Variants in NRG1 observed in about 807,000 individuals in gnomAD.
The protein encoded by NRG1 is pro-neuregulin-1, membrane-bound isoform.
In NRG1, 18 loss-of-function variants were observed where a neutral mutation model predicts 63.8. That is an observed-to-expected ratio of 0.28 (90% CI 0.19 to 0.42). The LOEUF is 0.42. Ranked by LOEUF, NRG1 falls within the 10% of genes least tolerant of loss-of-function variation. The pLI is 1.00. For synonymous variants in NRG1, 302 were observed against 301.3 expected (o/e 1.00, Z -0.02); for missense variants, 762 against 814.7 (o/e 0.94, Z 0.79).
intron 1 of NRG1, among the ~76,000 whole-genome samples, chr8:32,065,860 T>G (rs1273520008): frequency 1.3e-5 from 2 of 152,232 alleles, no homozygotes; most frequent in African/African-American, 4.8e-5. Context: ...GTTTACTGAC[T>G]TTTTAATGAT....
intron 1 of NRG1, among the ~76,000 whole-genome samples, chr8:32,076,545 A>G (rs1826586031): frequency 6.6e-6 from 1 of 152,056 alleles, no homozygotes; most frequent in Non-Finnish European, 1.5e-5. Context: ...GGACTGTGGA[A>G]CAGCACACAC....
At chr8:31,857,633 C>A (rs1051314476) in intron 1 of NRG1, among the ~76,000 whole-genome samples, 4 of 152,196 alleles carry the variant, frequency 2.6e-5, no homozygotes, top group African/African-American at 9.6e-5. Context: ...ATCTTGGCTT[C>A]AAGAGCGGGA....
intron 1 of NRG1, among the ~76,000 whole-genome samples, chr8:31,789,515 A>T (rs1358309661): frequency 6.6e-6 from 1 of 152,098 alleles, no homozygotes; most frequent in Non-Finnish European, 1.5e-5. Flanking sequence ...CACGTGGAGG[A>T]TACTAGAGGC....
intron 1 of NRG1, among the ~76,000 whole-genome samples, chr8:32,236,788 C>T (rs1847607376): frequency 6.6e-6 from 1 of 152,142 alleles, no homozygotes; most frequent in Admixed American, 6.6e-5. Flanking sequence ...CACAGTTAAC[C>T]TGAAGGATTA....
chr8:32,425,535 C>T (rs1320056827), intron 1 of NRG1, among the ~76,000 whole-genome samples: 1 of 152,102 alleles, frequency 6.6e-6, no homozygotes, highest in East Asian at 1.9e-4. Flanking sequence ...TTTATTGGAA[C>T]ACACCCATCA....
chr8:31,957,190 G>GTTTT (rs5890609), intron 1 of NRG1, among the ~76,000 whole-genome samples: 214 of 147,976 alleles, frequency 1.4e-3, no homozygotes, highest in African/African-American at 5.0e-3. Context: ...AAATCAAAGA[G>GTTTT]TTTTTTTTTT....
At chr8:32,591,082 G>T (rs1358670548) in intron 1 of NRG1, among the ~76,000 whole-genome samples, 1 of 152,168 alleles carries the variant, frequency 6.6e-6, no homozygotes, top group Non-Finnish European at 1.5e-5. Context: ...GGATGCAATT[G>T]TGCAGCTCTG....
rs181552565 is a variant in NRG1, at chr8:32,122,974, A to G, written c.38-472854A>G. ...TAAGGAAATGTGGCACATATACACCATGGAATACTATGCAGCCGTAAAAAA... is the reference window on the plus strand; with the variant it reads ...TAAGGAAATGTGGCACATATACACCGTGGAATACTATGCAGCCGTAAAAAA... On this transcript the variant is annotated intron_variant, in intron 1 of 10. Transcript: ENST00000519301. Among the ~76,000 whole-genome samples, 370 of 152,058 alleles carry G rather than the reference A, an allele frequency of 2.4e-3. 2 individuals are homozygous for G. The highest frequency in any genetic ancestry group is 8.7e-3 in the African/African-American group (361 of 41,528).
intron 1 of NRG1, among the ~76,000 whole-genome samples, chr8:32,233,767 G>A (rs1847251873): frequency 6.6e-6 from 1 of 151,650 alleles, no homozygotes; most frequent in South Asian, 2.1e-4. Flanking sequence ...GTTTCACCAT[G>A]TTGGCCAGGT....
At chr8:32,158,801 G>A (rs1293373762) in intron 1 of NRG1, among the ~76,000 whole-genome samples, 1 of 152,102 alleles carries the variant, frequency 6.6e-6, no homozygotes, top group South Asian at 2.1e-4. Context: ...CTTCTGAAGG[G>A]TTGGGAGGTA....
chr8:32,467,060 A>C (rs138105710), intron 1 of NRG1, among the ~76,000 whole-genome samples: 46 of 152,156 alleles, frequency 3.0e-4, no homozygotes, highest in Non-Finnish European at 5.9e-4. Context: ...CCTTTGAAAA[A>C]TTCATATTTT....
intron 1 of NRG1, among the ~76,000 whole-genome samples, chr8:32,060,340 A>C (rs1458324966): frequency 3.3e-5 from 5 of 151,966 alleles, no homozygotes; most frequent in African/African-American, 1.2e-4. Context: ...AACTGTGGGA[A>C]TAGAGGAAAC....
rs189478462 is a variant in NRG1, at chr8:32,354,659, G to A, written c.38-241169G>A. ...TGTAATACCAGCACTCTGGAAGGCC[G>A]AGGTGGGAGAATTAAGGCCAGGAGT... On this transcript the variant is annotated intron_variant, in intron 1 of 10. Transcript: ENST00000519301. 2.9e-3 allele frequency among the ~76,000 whole-genome samples: 438 copies of A among 151,826 alleles called. 3 individuals carry two copies. The highest frequency in any genetic ancestry group is 9.8e-3 in the African/African-American group (405 of 41,396).
In NRG1 at chr8:32,754,989, C is replaced by T. The variant is rs1306026757; in HGVS notation, c.794+515C>T. Reference sequence around the variant, plus strand: ...AAATTACGAGATAAAGGAAACCTTTCGTGGTATCTGAAATGCAGTTTTCTG... The same window carrying T: ...AAATTACGAGATAAAGGAAACCTTTTGTGGTATCTGAAATGCAGTTTTCTG... On this transcript the variant is annotated intron_variant, in intron 8 of 11. Coordinates refer to ENST00000356819, the Ensembl canonical transcript of NRG1. 3.9e-5 allele frequency among the ~76,000 whole-genome samples: 6 copies of T among 152,108 alleles called. No individual in the cohort carries two copies. In the South Asian group the frequency reaches 8.3e-4, roughly 21 times the overall value.
intron 1 of NRG1, among the ~76,000 whole-genome samples, chr8:32,276,939 T>C (rs1431120093): frequency 2.0e-5 from 3 of 152,198 alleles, no homozygotes; most frequent in African/African-American, 7.2e-5. Flanking sequence ...TCAGCTCTGC[T>C]GCCCACGTGG....
chr8:32,739,401 T>C (rs959734933), intron 6 of NRG1, among the ~76,000 whole-genome samples: 1 of 152,178 alleles, frequency 6.6e-6, no homozygotes, highest in African/African-American at 2.4e-5. Flanking sequence ...CTGAGAAAAT[T>C]CATCTCCCAA....
chr8:31,920,884 G>GGTAGATAGA (rs1833847129), intron 1 of NRG1, among the ~76,000 whole-genome samples: 1 of 147,102 alleles, frequency 6.8e-6, no homozygotes, highest in African/African-American at 2.5e-5. Flanking sequence ...AGATAGATAG[G>GGTAGATAGA]TAGATAGATA....
chr8:32,266,577 C>A (rs1163692560), intron 1 of NRG1, among the ~76,000 whole-genome samples: 1 of 151,896 alleles, frequency 6.6e-6, no homozygotes, highest in Non-Finnish European at 1.5e-5. Flanking sequence ...ATAAAATTAG[C>A]AAGAAATATT....
At chr8:32,380,750 A>G (rs1810247059) in intron 1 of NRG1, among the ~76,000 whole-genome samples, 1 of 152,160 alleles carries the variant, frequency 6.6e-6, no homozygotes, top group Non-Finnish European at 1.5e-5. Flanking sequence ...AAGTCCGTTC[A>G]CTTTTTAAAA....
Sources: allele counts gnomAD v4.1 joint callset (sites outside exome capture counted in the v4.1 genomes callset), GRCh38; gene constraint gnomAD v4.1.1; transcripts MANE v1.5; gene names NCBI Gene and HGNC (gene_info 2026-07-23, HGNC 2026-07-21).